PTPN4: variants seen among roughly 807,000 people sequenced by gnomAD.
The protein encoded by PTPN4 is protein tyrosine phosphatase non-receptor type 4.
A neutral mutation model predicts 135.5 loss-of-function variants in PTPN4; 49 were observed. The observed-to-expected ratio is 0.36, with a 90% confidence interval of 0.29 to 0.46. PTPN4 has a LOEUF of 0.46. PTPN4 is among the 20% of genes least tolerant of loss of function. The probability of loss-of-function intolerance (pLI) is 1.00; values close to 1 mark genes in which losing one functional copy is unlikely to be tolerated. For synonymous variants in PTPN4, 333 were observed against 369.9 expected, an observed-to-expected ratio of 0.90 and a Z score of 1.14; for missense variants, 860 against 1,101.0, an observed-to-expected ratio of 0.78 and a Z score of 3.10.
intron 1 of PTPN4, among the ~76,000 whole-genome samples, chr2:119,800,022 C>A (rs1044571514): frequency 1.3e-5 from 2 of 152,132 alleles, no homozygotes; most frequent in African/African-American, 4.8e-5. Context: ...TGAGTCGATA[C>A]ATTCTTTTTG....
chr2:119,837,645 GAGA>G (rs1484511923), intron 2 of PTPN4, among the ~76,000 whole-genome samples: 1 of 152,246 alleles, frequency 6.6e-6, no homozygotes, highest in Non-Finnish European at 1.5e-5. Flanking sequence ...TGTGGGCAAC[GAGA>G]AGGAGAGAAG....
chr2:119,920,364 T>C, intron 12 of PTPN4, 123 bp downstream of exon 12: 1 of 1,100,752 alleles, frequency 9.1e-7, no homozygotes. Flanking sequence ...CAAAAATCCC[T>C]ATGGATTGCA....
chr2:119,806,658 G>C (rs570728492), intron 1 of PTPN4, among the ~76,000 whole-genome samples: 1 of 152,248 alleles, frequency 6.6e-6, no homozygotes, highest in East Asian at 1.9e-4. Flanking sequence ...GTCAACATTA[G>C]ACAGATCAGC....
chr2:119,845,571 T>TC (rs1677485242), intron 2 of PTPN4, among the ~76,000 whole-genome samples: 1 of 152,168 alleles, frequency 6.6e-6, no homozygotes, highest in South Asian at 2.1e-4. Context: ...TAATGTACCT[T>TC]CTTTTATTCC....
chr2:119,766,449 C>CGTGTGTGTGTGTGT (rs745803520), intron 1 of PTPN4, among the ~76,000 whole-genome samples: 1 of 130,996 alleles, frequency 7.6e-6, no homozygotes. Flanking sequence ...CATGTGCGCG[C>CGTGTGTGTGTGTGT]GTGTGTGTGT....
At position 119,955,262 on chromosome 2, in the gene PTPN4, G is replaced by C; in HGVS notation, c.1919G>C (p.Arg640Pro). ...DSVHQDDHSL[R>P]ESMIQLAEGL... is the part of the protein sequence containing the mutation. Reference sequence around the variant, plus strand: ...GTGCATCAGGATGACCATTCCCTGCGGGAGTCAATGATCCAGCTAGCTGAG... The same window carrying C: ...GTGCATCAGGATGACCATTCCCTGCCGGAGTCAATGATCCAGCTAGCTGAG... The change falls in exon 20 of 27, where the codon CGG becomes CCG. Residue 640 changes from arginine to proline, a missense_variant. Physicochemically the swap from Arg to Pro is moderately radical, Grantham distance 103 (BLOSUM62 -2). Around this residue, in one of 2 missense-constraint regions of PTPN4, gnomAD observed 684 missense variants for 807.0 expected, o/e 0.85. Transcript: ENST00000263708. The C allele has an allele frequency of 6.2e-7, 1 of 1,613,420 alleles. No individual in the cohort carries two copies. The highest frequency in any genetic ancestry group is 8.5e-7 in the Non-Finnish European group (1 of 1,179,740).
At chr2:119,844,603 A>C (rs1387253581) in intron 2 of PTPN4, among the ~76,000 whole-genome samples, 2 of 147,192 alleles carry the variant, frequency 1.4e-5, no homozygotes, top group Non-Finnish European at 3.0e-5. Flanking sequence ...GGCGCTCCTC[A>C]CATCCCAGAT....
At chr2:119,864,128 G>C (rs1320595627) in intron 3 of PTPN4, among the ~76,000 whole-genome samples, 1 of 152,114 alleles carries the variant, frequency 6.6e-6, no homozygotes, top group Admixed American at 6.6e-5. Context: ...TGCAAAAATT[G>C]TTCTTCAGGA....
chr2:119,816,492 G>A (rs1416898056), intron 2 of PTPN4, among the ~76,000 whole-genome samples: 1 of 152,194 alleles, frequency 6.6e-6, no homozygotes, highest in Non-Finnish European at 1.5e-5. Context: ...TTTTTCATCG[G>A]ACTTGGGTGT....
chr2:119,793,989 G>A (rs1220017629), intron 1 of PTPN4, among the ~76,000 whole-genome samples: 2 of 151,102 alleles, frequency 1.3e-5, no homozygotes, highest in East Asian at 2.0e-4. Context: ...GATTACAGGT[G>A]CGTGCCACCA....
chr2:119,854,080 T>A (rs1677636547), intron 2 of PTPN4, among the ~76,000 whole-genome samples: 1 of 152,090 alleles, frequency 6.6e-6, no homozygotes, highest in Admixed American at 6.5e-5. Context: ...TGCATAGGGC[T>A]CAGGGCATTG....
intron 18 of PTPN4, among the ~76,000 whole-genome samples, chr2:119,948,301 A>G (rs1297228271): frequency 6.6e-6 from 1 of 152,174 alleles, no homozygotes; most frequent in Non-Finnish European, 1.5e-5. Context: ...ACAGAAAGAT[A>G]TATCTAAAGT....
intron 1 of PTPN4, among the ~76,000 whole-genome samples, chr2:119,787,697 T>TTG (rs1237434929): frequency 6.6e-6 from 1 of 152,358 alleles, no homozygotes; most frequent in East Asian, 1.9e-4. Context: ...TCATTAGGTC[T>TTG]TGTACTTTCT....
intron 1 of PTPN4, 92 bp downstream of exon 1, chr2:119,760,476 A>G: frequency 2.6e-6 from 1 of 388,992 alleles, no homozygotes; most frequent in Non-Finnish European, 4.5e-6. Flanking sequence ...GAGGTGAGCC[A>G]GGTGGGGCAA....
chr2:119,780,504 G>T (rs1028769555), intron 1 of PTPN4, among the ~76,000 whole-genome samples: 4 of 152,052 alleles, frequency 2.6e-5, no homozygotes, highest in Non-Finnish European at 4.4e-5. Flanking sequence ...AATCTACAAC[G>T]CTCCCCCATC....
intron 2 of PTPN4, among the ~76,000 whole-genome samples, chr2:119,831,839 A>G (rs749687763): frequency 1.3e-5 from 2 of 152,168 alleles, no homozygotes; most frequent in Non-Finnish European, 2.9e-5. Flanking sequence ...ATTCCTACAG[A>G]GAGGACTTTT....
chr2:119,775,319 C>A (rs962010395), intron 1 of PTPN4, among the ~76,000 whole-genome samples: 2 of 152,020 alleles, frequency 1.3e-5, no homozygotes, highest in African/African-American at 4.8e-5. Flanking sequence ...GGTCATATAA[C>A]AAGAAGGCCT....
intron 2 of PTPN4, among the ~76,000 whole-genome samples, chr2:119,828,715 C>T (rs941395231): frequency 1.3e-5 from 2 of 152,130 alleles, no homozygotes; most frequent in East Asian, 1.9e-4. Flanking sequence ...AAATTTTAGC[C>T]ATTCTGTTGC....
chr2:119,942,473 A>G (rs773042978), intron 15 of PTPN4, among the ~76,000 whole-genome samples: 1 of 152,126 alleles, frequency 6.6e-6, no homozygotes, highest in African/African-American at 2.4e-5. Flanking sequence ...CTCCATTTTC[A>G]TATGTTCTCC....
Sources: gnomAD v4.1 joint callset for allele counts (sites outside exome capture counted in the v4.1 genomes callset) on GRCh38, gnomAD v4.1.1 for gene constraint, gnomAD v4.1.1 regional missense constraint, MANE v1.5 for transcripts, NCBI Gene and HGNC (gene_info 2026-07-23, HGNC 2026-07-21) for gene names.